KCNMA1: variants seen among roughly 807,000 people sequenced by gnomAD.
KCNMA1 encodes the protein Calcium-activated potassium channel subunit alpha-1.
KCNMA1 carries 29 observed loss-of-function variants against 140.0 expected under a neutral mutation model. The observed-to-expected ratio is 0.21, with a 90% CI of 0.15 to 0.28. The LOEUF is 0.28. Ranked by LOEUF, KCNMA1 falls within the 10% of genes least tolerant of loss-of-function variation. KCNMA1 has a pLI of 1.00. For missense variants in KCNMA1, 880 were observed against 1,602.2 expected (o/e 0.55, Z 7.70); for synonymous variants, 612 against 611.9 (o/e 1.00, Z 0.00).
chr10:77,619,705 A>G (rs1371271268), intron 1 of KCNMA1, among the ~76,000 whole-genome samples: 1 of 152,164 alleles, frequency 6.6e-6, no homozygotes, highest in African/African-American at 2.4e-5. Flanking sequence ...GTCCACAAGG[A>G]GCTGTCTGCA....
At chr10:77,323,589 G>A (rs560421757) in intron 2 of KCNMA1, among the ~76,000 whole-genome samples, 1 of 152,298 alleles carries the variant, frequency 6.6e-6, no homozygotes, top group Admixed American at 6.5e-5. Context: ...TATGGCAAGA[G>A]GTTCACCACA....
At chr10:77,605,829 A>G (rs1157933413) in intron 1 of KCNMA1, among the ~76,000 whole-genome samples, 2 of 152,206 alleles carry the variant, frequency 1.3e-5, no homozygotes, top group Non-Finnish European at 1.5e-5. Flanking sequence ...CATCCTTTAC[A>G]CACAACTGCA....
chr10:77,541,488 C>A (rs1195709764), intron 1 of KCNMA1, among the ~76,000 whole-genome samples: 1 of 152,050 alleles, frequency 6.6e-6, no homozygotes, highest in Admixed American at 6.6e-5. Context: ...GTTACTTGTT[C>A]AAGCTCACAC....
At chr10:77,506,218 C>T (rs1333362631) in intron 1 of KCNMA1, among the ~76,000 whole-genome samples, 1 of 152,244 alleles carries the variant, frequency 6.6e-6, no homozygotes, top group East Asian at 1.9e-4. Context: ...TCTGAAACCA[C>T]CAACAGTGAG....
intron 1 of KCNMA1, among the ~76,000 whole-genome samples, chr10:77,412,315 G>A (rs1403318922): frequency 1.3e-5 from 2 of 152,176 alleles, no homozygotes; most frequent in East Asian, 3.9e-4. Context: ...TTGATGGACT[G>A]CGCTCTGAGT....
At chr10:77,441,966 G>A (rs16934772) in intron 1 of KCNMA1, among the ~76,000 whole-genome samples, 7,122 of 152,132 alleles carry the variant, frequency 0.047, 585 homozygotes, top group African/African-American at 0.16. Flanking sequence ...GCCTCAGGGC[G>A]GCTTCAGAAC....
At chr10:77,455,589 C>G (rs1299555330) in intron 1 of KCNMA1, among the ~76,000 whole-genome samples, 1 of 152,188 alleles carries the variant, frequency 6.6e-6, no homozygotes, top group Non-Finnish European at 1.5e-5. Context: ...AGGTGATGAG[C>G]TAGTGTCAAG....
At chr10:77,391,446 G>A (rs1184517000) in intron 2 of KCNMA1, among the ~76,000 whole-genome samples, 4 of 152,152 alleles carry the variant, frequency 2.6e-5, no homozygotes, top group Non-Finnish European at 5.9e-5. Context: ...AGAGGCTTGG[G>A]TACATTTAAT....
At chr10:77,223,670 C>G (rs570951792) in intron 3 of KCNMA1, among the ~76,000 whole-genome samples, 7 of 152,112 alleles carry the variant, frequency 4.6e-5, no homozygotes, top group African/African-American at 1.7e-4. Flanking sequence ...GATTGGCATG[C>G]CTTTTTTCCT....
chr10:77,456,439 A>G (rs1310457404), intron 1 of KCNMA1, among the ~76,000 whole-genome samples: 1 of 152,130 alleles, frequency 6.6e-6, no homozygotes, highest in Non-Finnish European at 1.5e-5. Context: ...CACTTATCAT[A>G]ATCAGAAATG....
intron 5 of KCNMA1, among the ~76,000 whole-genome samples, chr10:77,178,495 T>G (rs146393710): frequency 0.018 from 2,762 of 152,066 alleles, 87 homozygotes; most frequent in African/African-American, 0.062. Context: ...TCACCTGAGG[T>G]CAGGAGTTTG....
chr10:77,560,596 T>C (rs532142430), intron 1 of KCNMA1, among the ~76,000 whole-genome samples: 58 of 152,322 alleles, frequency 3.8e-4, no homozygotes, highest in African/African-American at 1.4e-3. Context: ...GCCATGGGCA[T>C]TGGGATTCTG....
At chr10:77,060,031 A>G (rs1391509732) in intron 14 of KCNMA1, among the ~76,000 whole-genome samples, 1 of 152,178 alleles carries the variant, frequency 6.6e-6, no homozygotes, top group Non-Finnish European at 1.5e-5. Context: ...TTGATGCTGA[A>G]AACTATAAAA....
intron 9 of KCNMA1, among the ~76,000 whole-genome samples, chr10:77,103,627 GA>G (rs2097144090): frequency 6.6e-6 from 1 of 152,136 alleles, no homozygotes; most frequent in South Asian, 2.1e-4. Context: ...AGAAAATGTT[GA>G]AATCCACAAA....
chr10:77,208,624 T>C (rs1443283272), intron 3 of KCNMA1, among the ~76,000 whole-genome samples: 1 of 152,236 alleles, frequency 6.6e-6, no homozygotes, highest in African/African-American at 2.4e-5. Flanking sequence ...ATTAAAGTTC[T>C]TTAGCATCTA....
intron 16 of KCNMA1, among the ~76,000 whole-genome samples, chr10:77,023,840 A>G (rs2093129157): frequency 6.6e-6 from 1 of 152,130 alleles, no homozygotes. Flanking sequence ...ACCATTGGAG[A>G]CACAGTTGTG....
At chr10:77,360,213 A>G (rs867735764) in intron 2 of KCNMA1, among the ~76,000 whole-genome samples, 1 of 152,364 alleles carries the variant, frequency 6.6e-6, no homozygotes, top group Middle Eastern at 3.4e-3. Flanking sequence ...GTACAATACA[A>G]TGCAACAGAT....
chr10:77,217,539 T>A (rs779876937), intron 3 of KCNMA1: 1 of 456,630 alleles, frequency 2.2e-6, no homozygotes, highest in South Asian at 1.5e-5. Context: ...TATGTTGGTT[T>A]GCCATGAAGT....
intron 1 of KCNMA1, among the ~76,000 whole-genome samples, chr10:77,478,439 A>G (rs779042542): frequency 6.6e-6 from 1 of 152,210 alleles, no homozygotes; most frequent in Non-Finnish European, 1.5e-5. Flanking sequence ...AAACAGCCCT[A>G]GTGAGTCACA....
Sources: allele counts gnomAD v4.1 joint callset (sites outside exome capture counted in the v4.1 genomes callset), GRCh38; gene constraint gnomAD v4.1.1; transcripts MANE v1.5; gene names NCBI Gene and HGNC (gene_info 2026-07-23, HGNC 2026-07-21).